NRXN3: variants seen among roughly 807,000 people sequenced by gnomAD.
NRXN3 encodes neurexin 3.
In NRXN3, 32 loss-of-function variants were observed where a neutral mutation model predicts 137.6. That is an observed-to-expected ratio of 0.23 (90% CI 0.18 to 0.31). The LOEUF is 0.31. Ranked by LOEUF, NRXN3 falls within the 10% of genes least tolerant of loss-of-function variation. NRXN3 has a pLI of 1.00. For missense variants in NRXN3, 1,574 were observed against 2,062.5 expected, an observed-to-expected ratio of 0.76 and a Z score of 4.59; for synonymous variants, 798 against 784.5, an observed-to-expected ratio of 1.02 and a Z score of -0.29.
At chr14:78,628,779 A>G (rs1601595201) in intron 4 of NRXN3, among the ~76,000 whole-genome samples, 1 of 152,198 alleles carries the variant, frequency 6.6e-6, no homozygotes, top group Admixed American at 6.5e-5. Context: ...TCGGGAAAGA[A>G]CCACTGTCCA....
intron 15 of NRXN3, among the ~76,000 whole-genome samples, chr14:79,238,707 C>T (rs943301428): frequency 2.0e-5 from 3 of 152,030 alleles, no homozygotes; most frequent in Non-Finnish European, 2.9e-5. Context: ...GGCATTCCAG[C>T]GGCTTCTAAG....
intron 4 of NRXN3, among the ~76,000 whole-genome samples, chr14:78,566,393 T>TC (rs2096836199): frequency 6.6e-6 from 1 of 150,766 alleles, no homozygotes; most frequent in Non-Finnish European, 1.5e-5. Context: ...TTTTTTTTTT[T>TC]CTCTCCCCCT....
intron 17 of NRXN3, among the ~76,000 whole-genome samples, chr14:79,685,030 A>G (rs777710759): frequency 2.6e-5 from 4 of 152,122 alleles, no homozygotes; most frequent in Non-Finnish European, 5.9e-5. Flanking sequence ...TCATATGTCA[A>G]ACGGCTGAAG....
chr14:79,252,888 C>T (rs771836968), intron 15 of NRXN3, among the ~76,000 whole-genome samples: 66 of 152,120 alleles, frequency 4.3e-4, no homozygotes, highest in Admixed American at 2.0e-4. Context: ...TCAAGACATA[C>T]TTCAAGAGTT....
chr14:79,526,012 G>A (rs114310279), intron 16 of NRXN3, among the ~76,000 whole-genome samples: 2,473 of 152,206 alleles, frequency 0.016, 32 homozygotes, highest in East Asian at 0.054. Context: ...CTCCAGAGTA[G>A]TTAGGACCAC....
intron 20 of NRXN3, among the ~76,000 whole-genome samples, chr14:79,857,005 A>G (rs1014863807): frequency 2.6e-5 from 4 of 152,138 alleles, no homozygotes; most frequent in Admixed American, 1.3e-4. Context: ...GATGGATTAC[A>G]GGTTTTGTAT....
chr14:78,849,394 C>G (rs752346809), intron 10 of NRXN3, among the ~76,000 whole-genome samples: 45 of 152,032 alleles, frequency 3.0e-4, no homozygotes, highest in Non-Finnish European at 7.4e-5. Flanking sequence ...CAAACAGAAG[C>G]TGAAGGACCA....
intron 15 of NRXN3, among the ~76,000 whole-genome samples, chr14:79,202,564 A>T (rs1451429252): frequency 6.6e-6 from 1 of 152,024 alleles, no homozygotes; most frequent in Non-Finnish European, 1.5e-5. Flanking sequence ...CCCAAAGCCC[A>T]CTGTGTCACT....
intron 15 of NRXN3, among the ~76,000 whole-genome samples, chr14:79,038,214 G>A (rs1340075283): frequency 5.9e-5 from 9 of 151,910 alleles, no homozygotes; most frequent in Admixed American, 5.2e-4. Flanking sequence ...AAACTGTTGA[G>A]AACGTTATTT....
Position 79,234,293 on chromosome 14 carries a change from AATATATATATATATATATATATAT to A in NRXN3, c.3263-232904_3263-232881del, listed in dbSNP as rs71131687. Among the ~76,000 whole-genome samples, 144 of 56,188 alleles carry A rather than the reference AATATATATATATATATATATATAT, an allele frequency of 2.6e-3. 8 individuals carry two copies. Among genetic ancestry groups the A allele is most frequent in the African/African-American group, 8.2e-3 (120 of 14,602 alleles). 36.9% of individuals were successfully genotyped at this position (56,188 alleles called of 152,430 possible). A position where few individuals can be genotyped will look rare whatever the true frequency, so the allele number is the denominator to read the frequency against. Reference sequence around the variant, plus strand: ...AAATCAGGGAACATATTCAATGGTAAATATATATATATATATATATATATATATATATATATATATATATATAAT... The same window carrying A: ...AAATCAGGGAACATATTCAATGGTAAATATATATATATATATATATATAAT... On this transcript the variant is annotated intron_variant, in intron 15 of 20. Transcript: ENST00000335750.
chr14:78,312,791 T>G lies in NRXN3; in HGVS notation c.757+14931T>G, dbSNP rs17107322. On this transcript the variant is annotated intron_variant, in intron 4 of 20. Coordinates refer to ENST00000335750, the MANE Select transcript of NRXN3 (RefSeq NM_001330195.2). ...AAAATTGCCTTCCTTCAGACTGTTT[T>G]GATCACGAGGGCTCTCAAGTGTCAA... Among the ~76,000 whole-genome samples, 1,168 of 152,304 alleles carry G rather than the reference T, an allele frequency of 7.7e-3. 12 individuals are homozygous for G. Among genetic ancestry groups the G allele is most frequent in the African/African-American group, 0.027 (1,125 of 41,554 alleles).
chr14:78,832,211 T>A (rs1223891058), intron 10 of NRXN3, among the ~76,000 whole-genome samples: 2 of 152,138 alleles, frequency 1.3e-5, no homozygotes, highest in Admixed American at 6.5e-5. Flanking sequence ...TGGTTGCATA[T>A]ACTTAAACCT....
intron 10 of NRXN3, among the ~76,000 whole-genome samples, chr14:78,950,868 A>C (rs2099385854): frequency 6.6e-6 from 1 of 152,202 alleles, no homozygotes; most frequent in South Asian, 2.1e-4. Flanking sequence ...GGAGAGACAC[A>C]ATACCAGAAG....
Position 78,519,336 on chromosome 14 carries a change from C to T in NRXN3, c.758-125784C>T, listed in dbSNP as rs369693386. 1.2e-4 allele frequency among the ~76,000 whole-genome samples: 19 copies of T among 152,262 alleles called. 1 individual carries two copies. In the East Asian group the frequency reaches 1.7e-3, roughly 14 times the overall value. The stretch of plus-strand genomic sequence containing the variant: ...ATGTACGTAATGATCAAATCCCCCA[C>T]ATTTACCAACCTGCTCCAGTCATCA... On this transcript the variant is annotated intron_variant, in intron 4 of 20. Transcript: ENST00000335750.
intron 4 of NRXN3, among the ~76,000 whole-genome samples, chr14:78,562,108 G>A (rs559391837): frequency 1.7e-4 from 26 of 152,158 alleles, no homozygotes; most frequent in South Asian, 6.2e-4. Flanking sequence ...GTGGTTTAAC[G>A]CTGAGGCAGG....
At chr14:78,794,078 G>A (rs1301465251) in intron 8 of NRXN3, among the ~76,000 whole-genome samples, 1 of 152,080 alleles carries the variant, frequency 6.6e-6, no homozygotes, top group Non-Finnish European at 1.5e-5. Flanking sequence ...TTTGCAGGAG[G>A]GAGTTCAAAT....
chr14:78,375,524 G>T (rs1456724323), intron 4 of NRXN3, among the ~76,000 whole-genome samples: 1 of 152,132 alleles, frequency 6.6e-6, no homozygotes, highest in Non-Finnish European at 1.5e-5. Flanking sequence ...TACATACTTA[G>T]TAAGCTCCTA....
intron 15 of NRXN3, among the ~76,000 whole-genome samples, chr14:79,134,494 G>A (rs896871589): frequency 2.0e-5 from 3 of 152,184 alleles, no homozygotes; most frequent in South Asian, 2.1e-4. Flanking sequence ...GAGGCTAACC[G>A]AGGACTTTCA....
At chr14:79,661,738 C>A (rs1158257612) in intron 16 of NRXN3, 1 of 151,924 alleles carries the variant, frequency 6.6e-6, no homozygotes, top group African/African-American at 2.4e-5. Flanking sequence ...TCTTCTTTTT[C>A]TTTTCCTCCT....
Sources: gnomAD v4.1 joint callset for allele counts (sites outside exome capture counted in the v4.1 genomes callset) on GRCh38, gnomAD v4.1.1 for gene constraint, MANE v1.5 for transcripts, NCBI Gene and HGNC (gene_info 2026-07-23, HGNC 2026-07-21) for gene names.